TMTC4: variants seen among roughly 807,000 people sequenced by gnomAD.
The protein encoded by TMTC4 is transmembrane O-mannosyltransferase targeting cadherins 4, also known as protein O-mannosyl-transferase TMTC4.
TMTC4 carries 65 observed loss-of-function variants against 86.0 expected under a neutral mutation model. That is an observed-to-expected ratio of 0.76 (90% CI 0.62 to 0.93). TMTC4 has a LOEUF of 0.93. Among genes scored for constraint, TMTC4 ranks in the 40% least tolerant of loss-of-function variants. The pLI, the probability that TMTC4 is intolerant of heterozygous loss-of-function variation, is 0.00. For synonymous variants in TMTC4, 379 were observed against 382.5 expected, an observed-to-expected ratio of 0.99 and a Z score of 0.11; for missense variants, 866 against 948.1, an observed-to-expected ratio of 0.91 and a Z score of 1.14.
At chr13:100,615,892 CTT>C (rs1219990701) in intron 15 of TMTC4, among the ~76,000 whole-genome samples, 2 of 152,158 alleles carry the variant, frequency 1.3e-5, no homozygotes, top group African/African-American at 4.8e-5. Context: ...TGTTTCAACC[CTT>C]GTTTGCCTCC....
intron 9 of TMTC4, among the ~76,000 whole-genome samples, chr13:100,637,206 C>T (rs184653322): frequency 1.4e-4 from 21 of 152,244 alleles, no homozygotes; most frequent in African/African-American, 4.8e-4. Context: ...CTAAAGATAC[C>T]ACCAAGAAGG....
chr13:100,644,072 G>A (rs1036001817), intron 6 of TMTC4, among the ~76,000 whole-genome samples: 18 of 150,860 alleles, frequency 1.2e-4, no homozygotes, highest in South Asian at 4.2e-4. Flanking sequence ...CAGCCAGTGC[G>A]TTCTGGCCTG....
chr13:100,644,168 C>T (rs1421229913), intron 6 of TMTC4, among the ~76,000 whole-genome samples: 1 of 148,868 alleles, frequency 6.7e-6, no homozygotes, highest in African/African-American at 2.5e-5. Context: ...TGCAGTGGCA[C>T]GATCTCGGGT....
chr13:100,639,670 T>C (rs969766591), intron 7 of TMTC4, among the ~76,000 whole-genome samples: 1 of 152,224 alleles, frequency 6.6e-6, no homozygotes, highest in Non-Finnish European at 1.5e-5. Context: ...CCTGGCGTGG[T>C]GGCTCACGCC....
intron 12 of TMTC4, among the ~76,000 whole-genome samples, chr13:100,633,234 G>C (rs971886452): frequency 2.0e-5 from 3 of 146,484 alleles, no homozygotes; most frequent in Non-Finnish European, 4.5e-5. Flanking sequence ...GCTTGAACCT[G>C]GGAGGCGGAG....
intron 4 of TMTC4, 141 bp from the exon 5 acceptor site, chr13:100,663,321 C>G: frequency 1.3e-6 from 1 of 748,142 alleles, no homozygotes; most frequent in Non-Finnish European, 2.3e-6. Context: ...AAAACAGCAT[C>G]AAGATAAATA....
chr13:100,659,725 GA>G (rs990458828), intron 5 of TMTC4, among the ~76,000 whole-genome samples: 3 of 151,054 alleles, frequency 2.0e-5, no homozygotes, highest in African/African-American at 4.9e-5. Context: ...TGGTTCATTA[GA>G]AAAACAGAGA....
At chr13:100,643,701 T>C (rs1317333403) in intron 6 of TMTC4, among the ~76,000 whole-genome samples, 1 of 152,198 alleles carries the variant, frequency 6.6e-6, no homozygotes, top group Non-Finnish European at 1.5e-5. Flanking sequence ...AAGACTATGT[T>C]AAAAACTAAG....
intron 6 of TMTC4, among the ~76,000 whole-genome samples, chr13:100,650,312 G>C (rs1304956547): frequency 6.6e-6 from 1 of 152,140 alleles, no homozygotes; most frequent in African/African-American, 2.4e-5. Flanking sequence ...GGAGTGAAGG[G>C]GGCACAGGGA....
At chr13:100,640,293 A>G (rs561161688) in intron 7 of TMTC4, among the ~76,000 whole-genome samples, 36 of 152,192 alleles carry the variant, frequency 2.4e-4, no homozygotes, top group Non-Finnish European at 4.7e-4. Flanking sequence ...ACAAACCCAG[A>G]ACAGCCCCCA....
At chr13:100,612,808 G>A (rs1877850318) in intron 16 of TMTC4, among the ~76,000 whole-genome samples, 1 of 152,044 alleles carries the variant, frequency 6.6e-6, no homozygotes, top group South Asian at 2.1e-4. Context: ...TTTTTTCCCA[G>A]ATACCAGTTA....
At chr13:100,667,383 C>T (rs556719967) in intron 3 of TMTC4, among the ~76,000 whole-genome samples, 1 of 151,478 alleles carries the variant, frequency 6.6e-6, no homozygotes, top group African/African-American at 2.4e-5. Context: ...GAGCCAAAAT[C>T]GTGACACTGT....
chr13:100,643,677 T>C (rs1883333864), intron 6 of TMTC4, among the ~76,000 whole-genome samples: 1 of 152,256 alleles, frequency 6.6e-6, no homozygotes, highest in South Asian at 2.1e-4. Context: ...ATTTTAACCA[T>C]GTGTGTATAT....
At chr13:100,644,226 C>A (rs1883418069) in intron 6 of TMTC4, among the ~76,000 whole-genome samples, 1 of 151,478 alleles carries the variant, frequency 6.6e-6, no homozygotes, top group East Asian at 1.9e-4. Context: ...GCCTCAGGCT[C>A]CCGAGTAGCT....
In TMTC4 at chr13:100,604,954, GCA is replaced by G. The variant is rs1404590647; in HGVS notation, c.*38_*39del. ...ACATACTATTAATGATATGCCTCAT[GCA>G]CACACACACTCAAACTCAAAACATG... On this transcript the variant is annotated 3_prime_UTR_variant, in exon 19 of 19. Transcript: ENST00000342624. 1.3e-6 allele frequency: 2 copies of G among 1,590,932 alleles called. No individual in the cohort carries two copies. Among genetic ancestry groups the G allele is most frequent in the South Asian group, 1.1e-5 (1 of 87,474 alleles).
intron 1 of TMTC4, chr13:100,673,251 A>C: frequency 7.9e-5 from 70 of 882,888 alleles, no homozygotes; most frequent in Non-Finnish European, 8.6e-5. Flanking sequence ...GTGAACCATG[A>C]GGGCCCAATG....
intron 15 of TMTC4, chr13:100,624,953 G>A (rs1385853054): frequency 6.6e-6 from 1 of 152,460 alleles, no homozygotes; most frequent in Non-Finnish European, 1.5e-5. Flanking sequence ...AGAGCAATCA[G>A]ATCTTCGTAA....
chr13:100,663,820 C>A (rs745439263), intron 4 of TMTC4, among the ~76,000 whole-genome samples: 1 of 152,086 alleles, frequency 6.6e-6, no homozygotes, highest in Non-Finnish European at 1.5e-5. Flanking sequence ...CCCTGATTAA[C>A]GGAGGGGGGA....
chr13:100,622,212 A>G (rs1280169602), intron 15 of TMTC4, among the ~76,000 whole-genome samples: 1 of 152,238 alleles, frequency 6.6e-6, no homozygotes, highest in Non-Finnish European at 1.5e-5. Context: ...TCCTTGTTCA[A>G]GCATCATGCC....
Sources: allele counts gnomAD v4.1 joint callset (sites outside exome capture counted in the v4.1 genomes callset), GRCh38; gene constraint gnomAD v4.1.1; transcripts MANE v1.5; gene names NCBI Gene and HGNC (gene_info 2026-07-23, HGNC 2026-07-21).